GAD1: variants seen among roughly 807,000 people sequenced by gnomAD.
GAD1 encodes the protein 67 kDa glutamic acid decarboxylase.
A neutral mutation model predicts 75.2 loss-of-function variants in GAD1; 35 were observed. That is an observed-to-expected ratio of 0.47 (90% confidence interval 0.36 to 0.62). The LOEUF is 0.62. Among genes scored for constraint, GAD1 ranks in the 20% least tolerant of loss-of-function variants. The pLI is 0.00. For synonymous variants in GAD1, 257 were observed against 271.9 expected (o/e 0.95, Z 0.54); for missense variants, 490 against 758.5 (o/e 0.65, Z 4.16).
rs186111265 is a variant in GAD1, at chr2:170,821,897, G to T, written c.83-190G>T. 4.9e-6 allele frequency: 3 copies of T among 610,510 alleles called. No homozygotes were observed. The African/African-American group carries it at 5.5e-5, about 11-fold the overall frequency. The allele number at this position is 610,510 out of a possible 1,614,324, so 37.8% of individuals were successfully genotyped here. ...ATTTGAAGCCAGGAGCAGGAAGGGA[G>T]TATGATGGGGGCTTAGAGTATATGC... On this transcript the variant is annotated intron_variant, in intron 2 of 16. Transcript: ENST00000358196.
chr2:170,856,976 A>G, intron 14 of GAD1, 42 bp from the exon 15 acceptor site: 1 of 1,500,470 alleles, frequency 6.7e-7, no homozygotes, highest in South Asian at 1.1e-5. Context: ...TGCTCATCAC[A>G]GGGAAATGCA....
At chr2:170,834,967 T>C (rs1302561074) in intron 5 of GAD1, among the ~76,000 whole-genome samples, 1 of 152,038 alleles carries the variant, frequency 6.6e-6, no homozygotes, top group Non-Finnish European at 1.5e-5. Flanking sequence ...AGATGGGGTT[T>C]CACCATGTTG....
At chr2:170,837,000 T>C in intron 6 of GAD1, 117 bp downstream of exon 6, 1 of 727,858 alleles carries the variant, frequency 1.4e-6, no homozygotes, top group Non-Finnish European at 2.4e-6. Flanking sequence ...TTTTTTCTCT[T>C]AAAATCTTTA....
Position 170,845,311 on chromosome 2 carries a change from G to A in GAD1, c.752-195G>A, listed in dbSNP as rs549654970. Reference sequence around the variant, plus strand: ...ATTGCCTAGATAGCTTTGGTAATAAGTGTGACTACTTGTATTCCCAGGGTA... The same window carrying A: ...ATTGCCTAGATAGCTTTGGTAATAAATGTGACTACTTGTATTCCCAGGGTA... On this transcript the variant is annotated intron_variant, in intron 7 of 16. Transcript: ENST00000358196. 50 of 649,702 alleles carry A rather than the reference G, an allele frequency of 7.7e-5. No homozygotes were observed. The East Asian group carries it at 1.3e-3, about 17-fold the overall frequency. The allele number at this position is 649,702 out of a possible 1,614,324, so 40.2% of individuals were successfully genotyped here.
chr2:170,844,407 CTTTTTTT>C (rs11327360), intron 7 of GAD1, among the ~76,000 whole-genome samples: 3 of 124,514 alleles, frequency 2.4e-5, no homozygotes, highest in African/African-American at 5.8e-5. Context: ...TTTCTTTTTT[CTTTTTTT>C]TTTTTTTTTT....
intron 3 of GAD1, among the ~76,000 whole-genome samples, chr2:170,823,287 C>T (rs1422571014): frequency 1.3e-5 from 2 of 152,248 alleles, no homozygotes. Flanking sequence ...TGGGTGCTCT[C>T]TGCACCTGAT....
intron 14 of GAD1, among the ~76,000 whole-genome samples, chr2:170,855,925 C>G (rs528831137): frequency 3.3e-5 from 5 of 150,492 alleles, no homozygotes; most frequent in Non-Finnish European, 7.4e-5. Flanking sequence ...AAAAAGGAGT[C>G]GTGTCATTTT....
chr2:170,854,085 A>C, intron 14 of GAD1, 63 bp downstream of exon 14: 1 of 1,534,918 alleles, frequency 6.5e-7, no homozygotes, highest in Non-Finnish European at 9.0e-7. Flanking sequence ...GGCTGGCAAA[A>C]GAGGGGCAAA....
chr2:170,828,086 CA>C (rs1225372934), intron 3 of GAD1, among the ~76,000 whole-genome samples: 69 of 39,792 alleles, frequency 1.7e-3, no homozygotes, highest in South Asian at 3.7e-3. Flanking sequence ...CTGCTGTCCT[CA>C]CCCCTCCTCC....
At chr2:170,841,131 G>A (rs368039923) in intron 6 of GAD1, among the ~76,000 whole-genome samples, 5 of 152,286 alleles carry the variant, frequency 3.3e-5, no homozygotes, top group African/African-American at 9.6e-5. Context: ...AGAGCTTCTG[G>A]CAGGTTTAGT....
chr2:170,823,033 G>A (rs1701931596), intron 3 of GAD1, among the ~76,000 whole-genome samples: 1 of 152,256 alleles, frequency 6.6e-6, no homozygotes, highest in South Asian at 2.1e-4. Flanking sequence ...ACACAGCTGA[G>A]TGATTCTGGC....
chr2:170,837,005 T>C (rs760181261), intron 6 of GAD1, 122 bp downstream of exon 6: 13 of 711,878 alleles, frequency 1.8e-5, no homozygotes, highest in Non-Finnish European at 2.5e-5. Context: ...TCTCTTAAAA[T>C]CTTTAGGTTT....
At chr2:170,817,428 CT>C (rs1255907929) in intron 1 of GAD1, 1 of 152,310 alleles carries the variant, frequency 6.6e-6, no homozygotes, top group African/African-American at 2.4e-5. Flanking sequence ...TAACCTGTTA[CT>C]TTTCCAGGGG....
chr2:170,832,673 C>T (rs1575433394), intron 5 of GAD1, among the ~76,000 whole-genome samples: 1 of 99,528 alleles, frequency 1.0e-5, no homozygotes, highest in African/African-American at 2.8e-5. Flanking sequence ...CGCACACACA[C>T]ACACACACAC....
intron 5 of GAD1, among the ~76,000 whole-genome samples, chr2:170,833,925 G>A (rs909978121): frequency 2.0e-5 from 3 of 152,082 alleles, no homozygotes; most frequent in Non-Finnish European, 4.4e-5. Flanking sequence ...ACTTGAGCCC[G>A]GGAGGCGGAG....
intron 2 of GAD1, 96 bp from the exon 3 acceptor site, chr2:170,821,991 G>A: frequency 1.9e-6 from 2 of 1,058,282 alleles, no homozygotes; most frequent in East Asian, 2.6e-5. Context: ...CTCTGGCAAA[G>A]TCCTCATCCT....
intron 3 of GAD1, among the ~76,000 whole-genome samples, chr2:170,824,070 C>T (rs1701964933): frequency 6.6e-6 from 1 of 152,166 alleles, no homozygotes; most frequent in African/African-American, 2.4e-5. Flanking sequence ...CTCCACTCCC[C>T]CTCCCCCACT....
chr2:170,854,397 C>CTTT (rs71399565), intron 14 of GAD1, among the ~76,000 whole-genome samples: 100 of 112,764 alleles, frequency 8.9e-4, no homozygotes, highest in Non-Finnish European at 1.3e-3. Flanking sequence ...ACCTTGAATT[C>CTTT]TTTTTTTTTT....
At chr2:170,829,793 T>C (rs1702173933) in intron 4 of GAD1, 160 bp downstream of exon 4, 2 of 741,018 alleles carry the variant, frequency 2.7e-6, no homozygotes, top group African/African-American at 3.5e-5. Context: ...TATAATTGAC[T>C]CCCTCCCTCC....
Sources: allele counts gnomAD v4.1 joint callset (sites outside exome capture counted in the v4.1 genomes callset), GRCh38; gene constraint gnomAD v4.1.1; transcripts MANE v1.5; gene names NCBI Gene and HGNC (gene_info 2026-07-23, HGNC 2026-07-21).